Variants in DNAH5 observed in about 807,000 individuals in gnomAD.
DNAH5 encodes axonemal beta dynein heavy chain 5.
In DNAH5, 372 loss-of-function variants were observed where a neutral mutation model predicts 518.2. The ratio of observed to expected loss-of-function variants is 0.72; its 90% CI spans 0.66 to 0.78. The LOEUF is 0.78. DNAH5 is among the 30% of genes least tolerant of loss of function. The pLI is 0.00. For missense variants in DNAH5, 5,523 were observed against 5,687.0 expected, an observed-to-expected ratio of 0.97 and a Z score of 0.93; for synonymous variants, 2,039 against 2,025.9, an observed-to-expected ratio of 1.01 and a Z score of -0.17.
At chr5:13,727,692 A>C (rs1561123076) in intron 69 of DNAH5, 36 bp from the exon 70 acceptor site, 1 of 1,612,868 alleles carries the variant, frequency 6.2e-7, no homozygotes, top group Non-Finnish European at 8.5e-7. Flanking sequence ...GTGTCATGCC[A>C]CCCAACAATC....
Position 13,864,624 on chromosome 5 carries a change from G to T in DNAH5, c.4369C>A (p.Pro1457Thr), listed in dbSNP as rs773251461. The change falls in exon 28 of 79, where the codon CCC (proline) becomes ACC (threonine). Residue 1457 changes from proline (P) to threonine (T), a missense_variant. By Grantham distance (38) the Pro-to-Thr change is conservative. Coordinates refer to ENST00000265104, the MANE Select transcript of DNAH5 (RefSeq NM_001369.3). ...GCCTGCCAGTCCTTCAAGGCCCGGG[G>T]AAGCTTTCGACATCTGTGAAGGGAC... ...LEFQNRCRKL[P>T]RALKDWQAFL... 6.2e-7 allele frequency: 1 copy of T among 1,614,130 alleles called. No homozygotes were observed. Among genetic ancestry groups the T allele is most frequent in the Non-Finnish European group, 8.5e-7 (1 of 1,180,008 alleles).
chr5:13,807,773 G>A, intron 46 of DNAH5, 48 bp from the exon 47 acceptor site: 1 of 1,522,192 alleles, frequency 6.6e-7, no homozygotes, highest in Non-Finnish European at 9.0e-7. Context: ...AAATGAGTGT[G>A]ATGGGCTGAA....
At chr5:13,835,756 C>A (rs892393446) in intron 35 of DNAH5, among the ~76,000 whole-genome samples, 3 of 152,056 alleles carry the variant, frequency 2.0e-5, no homozygotes, top group African/African-American at 7.3e-5. Flanking sequence ...GCTCGGAGCA[C>A]CCCTCCCTCT....
intron 60 of DNAH5, among the ~76,000 whole-genome samples, chr5:13,761,650 A>G (rs1580108430): frequency 1.3e-5 from 2 of 151,966 alleles, no homozygotes; most frequent in East Asian, 3.9e-4. Context: ...GCAAAGAATG[A>G]CTGTACTTTT....
Position 13,944,400 on chromosome 5 carries a change from G to A in DNAH5, c.39C>T (p.Ser13=), listed in dbSNP as rs370788337. The change falls in exon 1 of 79, where the codon AGC becomes AGT. Residue 13 remains serine, a synonymous_variant. Transcript: ENST00000265104. ...ACCTTACCGTTAAAACTCGAGTGAC[G>A]CTATGCTTCCAGAGCTGTCTCCTCC... ...RIGRRQLWKH[S]VTRVLTQRLK... The A allele has an allele frequency of 4.0e-5, 64 of 1,613,752 alleles. No homozygotes were observed. In the African/African-American group the frequency reaches 6.7e-4, roughly 17 times the overall value.
intron 1 of DNAH5, among the ~76,000 whole-genome samples, chr5:14,000,363 A>T (rs1032787073): frequency 6.6e-6 from 1 of 152,252 alleles, no homozygotes; most frequent in African/African-American, 2.4e-5. Flanking sequence ...GCCCTTGCCA[A>T]CACCTGGATT....
At chr5:13,921,522 C>T (rs1043436006) in intron 5 of DNAH5, among the ~76,000 whole-genome samples, 1 of 139,250 alleles carries the variant, frequency 7.2e-6, no homozygotes, top group Non-Finnish European at 1.6e-5. Context: ...CACACACAAG[C>T]GTACATCCAT....
intron 1 of DNAH5, among the ~76,000 whole-genome samples, chr5:13,983,919 C>T (rs1782855473): frequency 6.6e-6 from 1 of 152,140 alleles, no homozygotes; most frequent in African/African-American, 2.4e-5. Context: ...GACTACTGGC[C>T]CCCAAAGACC....
At chr5:13,990,843 G>C (rs1028026086) in intron 1 of DNAH5, among the ~76,000 whole-genome samples, 5 of 151,984 alleles carry the variant, frequency 3.3e-5, no homozygotes, top group African/African-American at 1.2e-4. Flanking sequence ...CTCCAGCCTG[G>C]GCAAAAAGAG....
chr5:13,805,457 G>A (rs1445653700), intron 47 of DNAH5, among the ~76,000 whole-genome samples: 6 of 151,962 alleles, frequency 3.9e-5, no homozygotes, highest in East Asian at 1.9e-4. Flanking sequence ...AAGATCACAC[G>A]ACTGCACTCC....
chr5:13,749,635 A>G (rs1323637290), intron 65 of DNAH5, among the ~76,000 whole-genome samples: 1 of 152,224 alleles, frequency 6.6e-6, no homozygotes, highest in African/African-American at 2.4e-5. Context: ...ACCAAGGACA[A>G]GAATATTATT....
At chr5:13,881,777 A>G (rs1010269242) in intron 21 of DNAH5, among the ~76,000 whole-genome samples, 1 of 152,042 alleles carries the variant, frequency 6.6e-6, no homozygotes, top group African/African-American at 2.4e-5. Context: ...TCAAAGAACT[A>G]GAAAAAGGAG....
intron 32 of DNAH5, among the ~76,000 whole-genome samples, chr5:13,844,354 G>A (rs984153709): frequency 6.6e-6 from 1 of 152,172 alleles, no homozygotes; most frequent in African/African-American, 2.4e-5. Flanking sequence ...CCGCAGCTGT[G>A]CAAGTGTAGT....
intron 78 of DNAH5, among the ~76,000 whole-genome samples, chr5:13,698,067 G>T (rs1478657220): frequency 1.3e-5 from 2 of 152,148 alleles, no homozygotes; most frequent in African/African-American, 4.8e-5. Context: ...GCAAGAGTGG[G>T]TTGCTATAAA....
intron 60 of DNAH5, among the ~76,000 whole-genome samples, chr5:13,760,309 T>G (rs1002599267): frequency 6.6e-6 from 1 of 152,232 alleles, no homozygotes. Context: ...TTAGGACTTG[T>G]AGAACTCTGT....
At chr5:13,958,994 T>C (rs904588440) in intron 1 of DNAH5, among the ~76,000 whole-genome samples, 9 of 152,220 alleles carry the variant, frequency 5.9e-5, no homozygotes, top group African/African-American at 2.2e-4. Flanking sequence ...AGTCTCCATC[T>C]GTCACCCAGG....
intron 3 of DNAH5, among the ~76,000 whole-genome samples, chr5:13,925,753 G>T (rs1028721015): frequency 3.9e-5 from 6 of 152,168 alleles, no homozygotes; most frequent in African/African-American, 1.4e-4. Flanking sequence ...TACAATTCAA[G>T]ATGAGATTTG....
intron 25 of DNAH5, among the ~76,000 whole-genome samples, chr5:13,867,568 T>C (rs1390278604): frequency 6.6e-6 from 1 of 152,022 alleles, no homozygotes; most frequent in African/African-American, 2.4e-5. Context: ...CAGTTCTTTA[T>C]AGCAGTGTGA....
intron 24 of DNAH5, among the ~76,000 whole-genome samples, chr5:13,869,973 C>T (rs923829539): frequency 2.0e-5 from 3 of 151,870 alleles, no homozygotes; most frequent in Non-Finnish European, 2.9e-5. Context: ...GTCTTTTTTG[C>T]CATTGCTTAA....
Sources: gnomAD v4.1 joint callset for allele counts (sites outside exome capture counted in the v4.1 genomes callset) on GRCh38, gnomAD v4.1.1 for gene constraint, MANE v1.5 for transcripts, NCBI Gene and HGNC (gene_info 2026-07-23, HGNC 2026-07-21) for gene names.